STXBP4: variants seen among roughly 807,000 people sequenced by gnomAD.
STXBP4 encodes syntaxin-binding protein 4.
STXBP4 carries 55 observed loss-of-function variants against 76.1 expected under a neutral mutation model. That is an observed-to-expected ratio of 0.72 (90% CI 0.58 to 0.91). The LOEUF (loss-of-function observed/expected upper bound fraction) is 0.91, where lower values mean the gene tolerates loss of function less well. Ranked by LOEUF, STXBP4 falls within the 40% of genes least tolerant of loss-of-function variation. STXBP4 has a pLI of 0.00. For synonymous variants in STXBP4, 201 were observed against 220.2 expected (o/e 0.91, Z 0.77); for missense variants, 618 against 636.9 (o/e 0.97, Z 0.32).
intron 16 of STXBP4, among the ~76,000 whole-genome samples, chr17:55,095,441 T>G (rs1383758144): frequency 6.6e-6 from 1 of 152,172 alleles, no homozygotes; most frequent in Admixed American, 6.5e-5. Context: ...TTTGGGTTAG[T>G]GGAATAGGTA....
At chr17:55,058,880 TA>T (rs141551420) in intron 12 of STXBP4, among the ~76,000 whole-genome samples, 1,727 of 152,244 alleles carry the variant, frequency 0.011, 30 homozygotes, top group African/African-American at 0.038. Context: ...TTTATTTATT[TA>T]TTTTTTTAAC....
intron 17 of STXBP4, among the ~76,000 whole-genome samples, chr17:55,147,794 A>T (rs1485221436): frequency 6.6e-6 from 1 of 152,234 alleles, no homozygotes; most frequent in Non-Finnish European, 1.5e-5. Flanking sequence ...CTGTCTGTTG[A>T]TAATAGCTGT....
At chr17:55,136,784 A>T (rs1178171139) in intron 16 of STXBP4, among the ~76,000 whole-genome samples, 1 of 152,100 alleles carries the variant, frequency 6.6e-6, no homozygotes, top group Non-Finnish European at 1.5e-5. Flanking sequence ...GAATGTTATC[A>T]TGAGTAAAAC....
At chr17:55,191,375 G>A in the STXBP4 span, among the ~76,000 whole-genome samples, 2 of 152,152 alleles carry the variant, frequency 1.3e-5, no homozygotes, top group Admixed American at 1.3e-4. Flanking sequence ...TGTGACACCA[G>A]CTGGAGAAAA....
chr17:55,003,153 G>A (rs2077947102), intron 7 of STXBP4, among the ~76,000 whole-genome samples: 1 of 152,118 alleles, frequency 6.6e-6, no homozygotes, highest in African/African-American at 2.4e-5. Flanking sequence ...AGTTAAGGAA[G>A]CACCACAAAT....
At position 54,998,176 on chromosome 17, in the gene STXBP4, A is replaced by G. The variant is rs114313654; in HGVS notation, c.181-1169A>G. 7.0e-3 allele frequency among the ~76,000 whole-genome samples: 1,061 copies of G among 152,312 alleles called. 15 individuals are homozygous for G. Among genetic ancestry groups the G allele is most frequent in the African/African-American group, 0.024 (1,004 of 41,568 alleles). On this transcript the variant is annotated intron_variant, in intron 4 of 17. Transcript: ENST00000376352. ...GTGAATCACCATTATTACAAATAAT[A>G]CAGCTTAGATCAAAGATCAGTATCC...
At chr17:55,098,582 C>T (rs1316357788) in intron 16 of STXBP4, among the ~76,000 whole-genome samples, 1 of 152,108 alleles carries the variant, frequency 6.6e-6, no homozygotes, top group Admixed American at 6.5e-5. Context: ...ACAGAGGGAA[C>T]AGCAAGTGGA....
At chr17:55,201,304 T>A in the STXBP4 span, among the ~76,000 whole-genome samples, 2 of 151,970 alleles carry the variant, frequency 1.3e-5, no homozygotes, top group African/African-American at 4.8e-5. Context: ...ATAATAAATA[T>A]CCATTTCAAA....
rs56066835 is a variant in STXBP4 at position 55,030,959 on chromosome 17, T to A, written c.667-209T>A. The A allele has an allele frequency of 1.0e-3, 465 of 457,892 alleles. 3 individuals carry two copies. Among genetic ancestry groups the A allele is most frequent in the African/African-American group, 8.3e-3 (424 of 51,074 alleles). The allele number at this position is 457,892 out of a possible 1,614,324, so 28.4% of individuals were successfully genotyped here. A position where few individuals can be genotyped will look rare whatever the true frequency, so the allele number is the denominator to read the frequency against. On this transcript the variant is annotated intron_variant, in intron 8 of 17. Transcript: ENST00000376352. ...AATTTGGTATTAGCTAAAGTGCTAG[T>A]CTTGGGGAAAAAATGAGGTAGTAGT...
At chr17:55,202,691 G>A in the STXBP4 span, among the ~76,000 whole-genome samples, 2 of 152,092 alleles carry the variant, frequency 1.3e-5, no homozygotes, top group Admixed American at 6.5e-5. Flanking sequence ...AATAGGCATT[G>A]TTTAATAGGC....
At chr17:55,091,117 A>G (rs2079407890) in intron 16 of STXBP4, among the ~76,000 whole-genome samples, 1 of 152,106 alleles carries the variant, frequency 6.6e-6, no homozygotes, top group Admixed American at 6.6e-5. Context: ...TTGCTCATGT[A>G]TTAGGCATTT....
At chr17:55,080,696 T>C (rs1466816978) in intron 15 of STXBP4, among the ~76,000 whole-genome samples, 1 of 152,094 alleles carries the variant, frequency 6.6e-6, no homozygotes, top group Non-Finnish European at 1.5e-5. Flanking sequence ...TTCATGTTTA[T>C]ATGCTTAATT....
the STXBP4 span, among the ~76,000 whole-genome samples, chr17:55,192,742 T>C: frequency 6.6e-6 from 1 of 152,214 alleles, no homozygotes; most frequent in South Asian, 2.1e-4. Context: ...ATGCCCATTT[T>C]ACTGATGAAA....
At chr17:55,185,581 A>C in the STXBP4 span, among the ~76,000 whole-genome samples, 1 of 152,204 alleles carries the variant, frequency 6.6e-6, no homozygotes, top group African/African-American at 2.4e-5. Flanking sequence ...AATGAAAATA[A>C]AGCATTATAA....
chr17:54,989,798 G>T (rs1325385903), intron 3 of STXBP4, among the ~76,000 whole-genome samples: 1 of 152,108 alleles, frequency 6.6e-6, no homozygotes, highest in Non-Finnish European at 1.5e-5. Flanking sequence ...AGGATGTTTT[G>T]TACAGTCCCT....
chr17:54,999,711 CT>C lies in STXBP4; in HGVS notation c.369del (p.Ile124Ter), dbSNP rs746965754. 1.9e-6 allele frequency: 3 copies of C among 1,613,604 alleles called. No homozygotes were observed. In the African/African-American group the frequency reaches 4.0e-5, roughly 22 times the overall value. ...GCCAGAAAATCTGTCATGTACATCA[CT>C]TATAGAAGCTTCAGGAGAATATGGA... ...IQPENLSCTS[L>X]IEASGEYGPQ... On this transcript the variant is annotated frameshift_variant, in exon 6 of 18. Coordinates refer to ENST00000376352, the MANE Select transcript of STXBP4 (RefSeq NM_178509.6). LOFTEE classifies it high-confidence loss of function.
chr17:55,127,662 A>C (rs1414464366), intron 16 of STXBP4, among the ~76,000 whole-genome samples: 1 of 152,198 alleles, frequency 6.6e-6, no homozygotes, highest in Admixed American at 6.6e-5. Flanking sequence ...TTATTTGAAA[A>C]AATAACCCTC....
At position 55,102,210 on chromosome 17, in the gene STXBP4, G is replaced by C. The variant is rs77668850; in HGVS notation, c.1489+21027G>C. ...GTTACATGGGTATACACATGCCATG[G>C]TGGTTTGCTGCAGCCATCAACCCGT... On this transcript the variant is annotated intron_variant, in intron 16 of 17. Coordinates refer to ENST00000376352, the MANE Select transcript of STXBP4 (RefSeq NM_178509.6). 8.2e-3 allele frequency among the ~76,000 whole-genome samples: 1,251 copies of C among 151,744 alleles called. 18 individuals carry two copies. Among genetic ancestry groups the C allele is most frequent in the African/African-American group, 0.028 (1,174 of 41,350 alleles).
chr17:55,197,593 A>G, the STXBP4 span, among the ~76,000 whole-genome samples: 32,286 of 152,054 alleles, frequency 0.21, 3,573 homozygotes, highest in Middle Eastern at 0.26. Flanking sequence ...AATCAAAAAA[A>G]TCAGCCAGGC....
Sources: allele counts gnomAD v4.1 joint callset (sites outside exome capture counted in the v4.1 genomes callset), GRCh38; gene constraint gnomAD v4.1.1; transcripts MANE v1.5; gene names NCBI Gene and HGNC (gene_info 2026-07-23, HGNC 2026-07-21).